Variants in KIF1A observed in about 807,000 individuals in gnomAD.
The protein encoded by KIF1A is kinesin-like protein KIF1A.
In KIF1A, 46 loss-of-function variants were observed where a neutral mutation model predicts 227.3. That is an observed-to-expected ratio of 0.20 (90% CI 0.16 to 0.26). The LOEUF is 0.26. Ranked by LOEUF, KIF1A falls within the 10% of genes least tolerant of loss-of-function variation. KIF1A has a pLI of 1.00. For synonymous variants in KIF1A, 1,022 were observed against 1,012.8 expected, an observed-to-expected ratio of 1.01 and a Z score of -0.17; for missense variants, 1,683 against 2,485.9, an observed-to-expected ratio of 0.68 and a Z score of 6.87.
In KIF1A at chr2:240,774,281, T is replaced by C. The variant is rs780837921; in HGVS notation, c.959-20A>G. ...TACCGCCTGTGGGAAGAAGACCAGG[T>C]TGTGCCCAGAGGGGGATCTAGGCCC... On this transcript the variant is annotated intron_variant, in intron 11 of 48. Transcript: ENST00000498729. The C allele has an allele frequency of 3.2e-6, 5 of 1,582,956 alleles. No individual in the cohort carries two copies. Among genetic ancestry groups the C allele is most frequent in the East Asian group, 2.2e-5 (1 of 44,572 alleles).
At chr2:240,772,748 AACGCGGGGGACCTCGGTGAC>A (rs1323928016) in intron 13 of KIF1A, among the ~76,000 whole-genome samples, 152 bp from the exon 14 acceptor site, 1 of 152,084 alleles carries the variant, frequency 6.6e-6, no homozygotes, top group Non-Finnish European at 1.5e-5. Context: ...TCAGCTCCAG[AACGCGGGGGACCTCGGTGAC>A]CCCAGCACCC....
At chr2:240,737,329 T>C in intron 37 of KIF1A, 161 bp from the exon 38 acceptor site, 1 of 593,342 alleles carries the variant, frequency 1.7e-6, no homozygotes, top group African/African-American at 1.8e-5. Context: ...CCCTACAGGG[T>C]CCTCAGCAAC....
chr2:240,781,471 A>ACACACACAGCTC (rs2053989318), intron 10 of KIF1A, among the ~76,000 whole-genome samples: 2 of 111,442 alleles, frequency 1.8e-5, no homozygotes, highest in African/African-American at 7.3e-5. Context: ...CTCCACACAC[A>ACACACACAGCTC]CACACACACA....
intron 1 of KIF1A, among the ~76,000 whole-genome samples, chr2:240,819,136 T>TC (rs1271673699): frequency 1.4e-5 from 2 of 143,328 alleles, no homozygotes; most frequent in African/African-American, 5.1e-5. Context: ...CTGCGGACCC[T>TC]CCCTCCCGGC....
At chr2:240,765,989 G>A (rs1221330118) in intron 19 of KIF1A, among the ~76,000 whole-genome samples, 196 bp from the exon 20 acceptor site, 1 of 152,236 alleles carries the variant, frequency 6.6e-6, no homozygotes. Context: ...CTTAACAGAG[G>A]AAGAAAGTGA....
rs907406457 is a variant in KIF1A, at chr2:240,778,181, C to A, written c.883-2255G>T. 1.3e-5 allele frequency among the ~76,000 whole-genome samples: 2 copies of A among 152,094 alleles called. No individual in the cohort carries two copies. Among genetic ancestry groups the A allele is most frequent in the African/African-American group, 4.8e-5 (2 of 41,404 alleles). On this transcript the variant is annotated intron_variant, in intron 10 of 48. Transcript: ENST00000498729. The surrounding 1 kb of genome is among the most constrained non-coding windows in gnomAD (Gnocchi z 7.2). Reference sequence around the variant, plus strand: ...GTCACTCGAATGCGGACCCCACCCACGGGATGGCTGCCGGTCACACCATTC... The same window carrying A: ...GTCACTCGAATGCGGACCCCACCCAAGGGATGGCTGCCGGTCACACCATTC...
intron 38 of KIF1A, among the ~76,000 whole-genome samples, chr2:240,729,546 G>A (rs754855350): frequency 1.3e-5 from 2 of 152,224 alleles, no homozygotes; most frequent in African/African-American, 2.4e-5. Flanking sequence ...GAGGCAGGCA[G>A]GACTCCAAGG....
rs750268852 is a variant in KIF1A at position 240,745,891 on chromosome 2, A to G, written c.3221T>C (p.Leu1074Pro). The G allele has an allele frequency of 6.2e-7, 1 of 1,606,286 alleles. No homozygotes were observed. The highest frequency in any genetic ancestry group is 1.1e-5 in the South Asian group (1 of 90,338). Residue 1074 changes from leucine (L) to proline (P), a missense_variant, in exon 31 of 49, where the codon CTC (leucine) becomes CCC (proline). Around this residue, in one of 12 missense-constraint regions of KIF1A, gnomAD observed 759 missense variants for 1,020.2 expected, o/e 0.74. Coordinates refer to ENST00000498729, the MANE Select transcript of KIF1A (RefSeq NM_001244008.2). ...GGCTTTCTCAGAGCTGTCTAGGAGG[A>G]GGCCTTCTGGGGGCACTGCTGCTGG... Reference protein sequence around the residue: ...NTCSAVPPEGLLLDSSEKAAL... With the variant: ...NTCSAVPPEGPLLDSSEKAAL...
Position 240,715,324 on chromosome 2 carries a change from A to G in KIF1A, c.*2040T>C, listed in dbSNP as rs1372006229. The G allele has an allele frequency of 6.6e-6, 1 of 152,292 alleles. No homozygotes were observed. Among genetic ancestry groups the G allele is most frequent in the Admixed American group, 6.5e-5 (1 of 15,288 alleles). 9.4% of individuals were successfully genotyped at this position (152,292 alleles called of 1,614,324 possible). ...TGGGATGTGAATCCTCACCTGGGAG[A>G]TTTCCAAAGAAAGCTGCTGTGTCCT... On this transcript the variant is annotated 3_prime_UTR_variant, in exon 49 of 49. Transcript: ENST00000498729.
chr2:240,762,874 G>T, intron 22 of KIF1A, 62 bp from the exon 23 acceptor site: 1 of 1,473,546 alleles, frequency 6.8e-7, no homozygotes, highest in Non-Finnish European at 9.2e-7. Context: ...CTCACACTGC[G>T]CCTAGACAGT....
intron 1 of KIF1A, among the ~76,000 whole-genome samples, chr2:240,805,149 G>A (rs2057313484): frequency 1.0e-5 from 1 of 98,494 alleles, no homozygotes; most frequent in African/African-American, 3.9e-5. Context: ...GGGGAGTGGG[G>A]AGGGAGGCGG....
Position 240,787,279 on chromosome 2 carries a change from G to A in KIF1A, c.401C>T (p.Thr134Ile). ...EDLFSRINDT[T>I]NDNMSYSVEV... is the part of the protein sequence containing the mutation. ...CACGGAGTAGGACATGTTGTCGTTGGTCGTGTCGTTGATCCGAGAGAAGAG... is the reference window on the plus strand; with the variant it reads ...CACGGAGTAGGACATGTTGTCGTTGATCGTGTCGTTGATCCGAGAGAAGAG... The change falls in exon 5 of 49, where the codon ACC (threonine) becomes ATC (isoleucine). Residue 134 changes from threonine (T) to isoleucine (I), a missense_variant. By Grantham distance (89) the Thr-to-Ile change is moderately conservative. This residue lies in a region of KIF1A where 75 missense variants were observed against 131.2 expected (regional missense o/e 0.57). Coordinates refer to ENST00000498729, the MANE Select transcript of KIF1A (RefSeq NM_001244008.2). The A allele has an allele frequency of 6.2e-7, 1 of 1,613,414 alleles. No individual in the cohort carries two copies. The highest frequency in any genetic ancestry group is 1.1e-5 in the South Asian group (1 of 91,078).
At chr2:240,782,195 C>T (rs2054133532) in intron 10 of KIF1A, 5 of 985,256 alleles carry the variant, frequency 5.1e-6, no homozygotes, top group African/African-American at 1.7e-5. Context: ...GGCCCCGTCA[C>T]GCCTACGGCT....
chr2:240,801,470 A>T (rs1559541583), intron 1 of KIF1A, among the ~76,000 whole-genome samples: 1 of 152,248 alleles, frequency 6.6e-6, no homozygotes, highest in Non-Finnish European at 1.5e-5. Flanking sequence ...GGAAATATAG[A>T]CATGACAGCC....
At chr2:240,806,619 C>T (rs1231510600) in intron 1 of KIF1A, among the ~76,000 whole-genome samples, 1 of 152,112 alleles carries the variant, frequency 6.6e-6, no homozygotes, top group Admixed American at 6.6e-5. Flanking sequence ...CAAGACAAAG[C>T]CCAACATGCA....
At chr2:240,783,885 G>A in intron 7 of KIF1A, 69 bp from the exon 8 acceptor site, 1 of 1,225,910 alleles carries the variant, frequency 8.2e-7, no homozygotes, top group Non-Finnish European at 1.2e-6. Context: ...GGACCCCTGG[G>A]CAAGGTCTCC....
In KIF1A at chr2:240,736,452, C is replaced by T. The variant is rs182866961; in HGVS notation, c.4007+611G>A. Among the ~76,000 whole-genome samples, 1,829 of 152,264 alleles carry T rather than the reference C, an allele frequency of 0.012. 18 individuals are homozygous for T. Among genetic ancestry groups the T allele is most frequent in the Non-Finnish European group, 0.017 (1,185 of 68,004 alleles). On this transcript the variant is annotated intron_variant, in intron 38 of 48. Coordinates refer to ENST00000498729, the MANE Select transcript of KIF1A (RefSeq NM_001244008.2). The surrounding 1 kb of genome is among the most constrained non-coding windows in gnomAD (Gnocchi z 4.7). ...TGCTGAGCCACCTGCCCAGGCCAAC[C>T]GCAGGGGCTGCCTCCCTCTCCCATC...
Position 240,763,104 on chromosome 2 carries a change from A to C in KIF1A, c.1950-13T>G, listed in dbSNP as rs2050732618. 1.9e-6 allele frequency: 3 copies of C among 1,594,684 alleles called. No homozygotes were observed. Among genetic ancestry groups the C allele is most frequent in the Non-Finnish European group, 2.6e-6 (3 of 1,172,972 alleles). On this transcript the variant is annotated splice_polypyrimidine_tract_variant and intron_variant, in intron 21 of 48. Coordinates refer to ENST00000498729, the MANE Select transcript of KIF1A (RefSeq NM_001244008.2). ...CAGTTCCTGGAGCCTGCAAGGGGGC[A>C]TTGGGGTGAGCACGGGAGGGCAGGA... is the stretch of plus-strand genomic sequence containing the variant.
At chr2:240,796,901 C>T (rs559394347) in intron 2 of KIF1A, among the ~76,000 whole-genome samples, 1 of 152,306 alleles carries the variant, frequency 6.6e-6, no homozygotes, top group East Asian at 1.9e-4. Context: ...CCCCTCGGGA[C>T]GCCCCCCTCC....
Sources: allele counts gnomAD v4.1 joint callset (sites outside exome capture counted in the v4.1 genomes callset), GRCh38; gene constraint gnomAD v4.1.1; regional missense constraint gnomAD v4.1.1; non-coding constraint Gnocchi (gnomAD v3.1); transcripts MANE v1.5; gene names NCBI Gene and HGNC (gene_info 2026-07-23, HGNC 2026-07-21).